The following CHIC1 variants were observed in gnomAD, a reference collection of about 807,000 sequenced individuals.
CHIC1 encodes cysteine rich hydrophobic domain 1, also known as cysteine-rich hydrophobic domain-containing protein 1.
A neutral mutation model predicts 18.5 loss-of-function variants in CHIC1; 7 were observed. That is an observed-to-expected ratio of 0.38 (90% CI 0.22 to 0.71). The LOEUF (loss-of-function observed/expected upper bound fraction) is 0.71. Among genes scored for constraint, CHIC1 ranks in the 30% least tolerant of loss-of-function variants. The pLI is 0.49. For synonymous variants in CHIC1, 77 were observed against 73.5 expected, an observed-to-expected ratio of 1.05 and a Z score of -0.25; for missense variants, 159 against 176.9, an observed-to-expected ratio of 0.90 and a Z score of 0.57.
chrX:73,567,666 T>G (rs967322883), intron 1 of CHIC1, among the ~76,000 whole-genome samples: 3 of 111,121 alleles, frequency 2.7e-5, no homozygotes, highest in African/African-American at 9.8e-5. Flanking sequence ...AAGATTATCT[T>G]GTGGTTTTTC....
chrX:73,658,898 G>C (rs1603349567), intron 3 of CHIC1, among the ~76,000 whole-genome samples: 1 of 111,799 alleles, frequency 8.9e-6, no homozygotes, highest in African/African-American at 3.2e-5. Flanking sequence ...GCAGACCCTG[G>C]CCAAGCAATG....
At chrX:73,679,880 A>C (rs1044381823) in intron 5 of CHIC1, among the ~76,000 whole-genome samples, 167 bp downstream of exon 5, 5 of 111,859 alleles carry the variant, frequency 4.5e-5, no homozygotes, top group Admixed American at 2.9e-4. Flanking sequence ...AGCCAACCTA[A>C]AATATCTTGA....
At position 73,679,244 on chromosome X, in the gene CHIC1, A is replaced by C; in HGVS notation, c.508-82A>C. The C allele has an allele frequency of 1.3e-5, 8 of 596,876 alleles. 1 individual carries two copies. The highest frequency in any genetic ancestry group is 2.2e-5 in the Non-Finnish European group (8 of 363,025). The allele number at this position is 596,876 out of a possible 1,213,427, so 49.2% of individuals were successfully genotyped here. The stretch of plus-strand genomic sequence containing the variant: ...AAGGAGATAGTAATGGGATGTTACA[A>C]GTAGGCAGAAAAATATAGATGCACA... On this transcript the variant is annotated intron_variant, in intron 3 of 5. Transcript: ENST00000373502.
At chrX:73,667,409 T>C (rs1005272836) in intron 3 of CHIC1, among the ~76,000 whole-genome samples, 2 of 111,612 alleles carry the variant, frequency 1.8e-5, no homozygotes, top group Non-Finnish European at 3.8e-5. Context: ...TAGCTGATTA[T>C]TTTGCAAACT....
intron 3 of CHIC1, among the ~76,000 whole-genome samples, chrX:73,589,091 C>A (rs1454231257): frequency 9.1e-6 from 1 of 109,885 alleles, no homozygotes; most frequent in Non-Finnish European, 1.9e-5. Context: ...GTTTAGTTTG[C>A]TCTTTTTAGT....
intron 3 of CHIC1, among the ~76,000 whole-genome samples, chrX:73,624,345 T>G (rs1483167321): frequency 8.9e-6 from 1 of 112,034 alleles, no homozygotes; most frequent in Non-Finnish European, 1.9e-5. Context: ...AGGCTTAGAT[T>G]TTGAGAGGGA....
At position 73,577,476 on chromosome X, in the gene CHIC1, G is replaced by A. The variant is rs760685818; in HGVS notation, c.351+15G>A. On this transcript the variant is annotated intron_variant, in intron 2 of 5. Coordinates refer to ENST00000373502, the MANE Select transcript of CHIC1 (RefSeq NM_001039840.4). ...TAACAGGGAAGGTAAGTGAGAATTT[G>A]CTTTGAACTTTTCAGTTCTAAAGCA... The A allele has an allele frequency of 6.1e-5, 70 of 1,147,703 alleles. 1 individual carries two copies. In the South Asian group the frequency reaches 1.2e-3, roughly 20 times the overall value. The allele number at this position is 1,147,703 out of a possible 1,213,427, so 94.6% of individuals were successfully genotyped here.
rs1466814651 is a variant in CHIC1 at position 73,654,465 on chromosome X, A to G, written c.508-24861A>G. On this transcript the variant is annotated intron_variant, in intron 3 of 5. Transcript: ENST00000373502. ...TATTTTGTTGAGGACTTTTGCATTT[A>G]TGTTCATGACGTATATTAGCCTGTA... Among the ~76,000 whole-genome samples, 11 of 111,534 alleles carry G rather than the reference A, an allele frequency of 9.9e-5. No homozygotes were observed. The Admixed American group carries it at 1.1e-3, about 11-fold the overall frequency.
At chrX:73,578,477 C>A (rs1172503256) in intron 2 of CHIC1, among the ~76,000 whole-genome samples, 1 of 110,006 alleles carries the variant, frequency 9.1e-6, no homozygotes, top group Non-Finnish European at 1.9e-5. Context: ...TATTTTGGAG[C>A]CTTTAAATTC....
intron 3 of CHIC1, among the ~76,000 whole-genome samples, chrX:73,655,524 GTGTA>G (rs1203650791): frequency 1.3e-5 from 1 of 74,684 alleles, no homozygotes; most frequent in Non-Finnish European, 2.4e-5. Context: ...ACACAATATT[GTGTA>G]TATATATATA....
chrX:73,656,705 C>G (rs1164534744), intron 3 of CHIC1, among the ~76,000 whole-genome samples: 1 of 111,965 alleles, frequency 8.9e-6, no homozygotes, highest in Non-Finnish European at 1.9e-5. Flanking sequence ...TTACTGTAGC[C>G]TTGTAGTATA....
intron 3 of CHIC1, among the ~76,000 whole-genome samples, chrX:73,643,488 G>A (rs1372568056): frequency 5.4e-5 from 6 of 111,598 alleles, no homozygotes; most frequent in Middle Eastern, 9.3e-3. Flanking sequence ...CATTCTCCCC[G>A]TCACTTTCAG....
chrX:73,669,007 G>A (rs1335252091), intron 3 of CHIC1, among the ~76,000 whole-genome samples: 1 of 112,736 alleles, frequency 8.9e-6, no homozygotes, highest in Non-Finnish European at 1.9e-5. Flanking sequence ...CCCAGGGAGA[G>A]GTGGGGAGGG....
chrX:73,620,074 A>G (rs1380063654), intron 3 of CHIC1, among the ~76,000 whole-genome samples: 1 of 112,028 alleles, frequency 8.9e-6, no homozygotes, highest in Non-Finnish European at 1.9e-5. Context: ...CATGGTGTGT[A>G]TGTGTCACAT....
chrX:73,659,370 CTTTTTTT>C (rs149705423), intron 3 of CHIC1, among the ~76,000 whole-genome samples: 3 of 35,182 alleles, frequency 8.5e-5, no homozygotes, highest in Non-Finnish European at 1.4e-4. Flanking sequence ...TTCCCCTTTT[CTTTTTTT>C]TTTTTTTTTT....
intron 3 of CHIC1, among the ~76,000 whole-genome samples, chrX:73,675,449 C>G: frequency 8.9e-6 from 1 of 112,008 alleles, no homozygotes. Context: ...GGATAGTTAG[C>G]TCTTCTTGTT....
chrX:73,666,808 G>A (rs866324997), intron 3 of CHIC1, among the ~76,000 whole-genome samples: 3 of 112,003 alleles, frequency 2.7e-5, no homozygotes, highest in Admixed American at 9.4e-5. Context: ...ACCATGTGGC[G>A]ATGAGAAAAA....
intron 3 of CHIC1, among the ~76,000 whole-genome samples, chrX:73,651,462 T>C (rs1306261170): frequency 1.8e-5 from 2 of 111,212 alleles, no homozygotes; most frequent in African/African-American, 6.6e-5. Context: ...GATGACACGA[T>C]TGTATATTTA....
intron 3 of CHIC1, among the ~76,000 whole-genome samples, chrX:73,645,939 G>A (rs1289583219): frequency 4.5e-5 from 5 of 111,297 alleles, no homozygotes; most frequent in Admixed American, 9.5e-5. Flanking sequence ...TGTTGCCTGC[G>A]CTTTTACCAA....
Sources: gnomAD v4.1 joint callset for allele counts (sites outside exome capture counted in the v4.1 genomes callset) on GRCh38, gnomAD v4.1.1 for gene constraint, MANE v1.5 for transcripts, NCBI Gene and HGNC (gene_info 2026-07-23, HGNC 2026-07-21) for gene names.